NEBL: variants seen among roughly 807,000 people sequenced by gnomAD.
NEBL encodes nebulette.
A neutral mutation model predicts 140.2 loss-of-function variants in NEBL; 122 were observed. The ratio of observed to expected loss-of-function variants is 0.87; its 90% CI spans 0.75 to 1.01. The LOEUF (loss-of-function observed/expected upper bound fraction) is 1.01. Among genes scored for constraint, NEBL ranks in the 50% least tolerant of loss-of-function variants. The pLI is 0.00. For missense variants in NEBL, 1,365 were observed against 1,231.3 expected, an observed-to-expected ratio of 1.11 and a Z score of -1.62; for synonymous variants, 436 against 398.9, an observed-to-expected ratio of 1.09 and a Z score of -1.11.
chr10:20,853,788 G>T (rs188696153), intron 9 of NEBL, among the ~76,000 whole-genome samples: 2 of 152,072 alleles, frequency 1.3e-5, no homozygotes, highest in African/African-American at 2.4e-5. Flanking sequence ...CAAAAATACC[G>T]TTAGAGAGAA....
chr10:21,291,574 C>T (rs1207477471), intron 1 of NEBL, among the ~76,000 whole-genome samples: 2 of 151,242 alleles, frequency 1.3e-5, no homozygotes, highest in Non-Finnish European at 2.9e-5. Flanking sequence ...TCCTACTCAG[C>T]ACTGGGCTTG....
At chr10:20,878,134 C>A (rs556668867) in intron 5 of NEBL, among the ~76,000 whole-genome samples, 1 of 152,066 alleles carries the variant, frequency 6.6e-6, no homozygotes, top group African/African-American at 2.4e-5. Flanking sequence ...AACTCTTGCC[C>A]GGGAACTCCA....
At chr10:21,227,708 TTCTTTCTTCTTCTTC>T (rs1279488983) in intron 3 of NEBL, among the ~76,000 whole-genome samples, 153 of 80,840 alleles carry the variant, frequency 1.9e-3, no homozygotes, top group Middle Eastern at 5.9e-3. Flanking sequence ...CTTCTTCTTC[TTCTTTCTTCTTCTTC>T]TTCTTCTTCT....
chr10:21,247,392 G>A (rs28694804), intron 3 of NEBL, among the ~76,000 whole-genome samples: 7,084 of 152,202 alleles, frequency 0.047, 219 homozygotes, highest in Non-Finnish European at 0.069. Context: ...CTTGACATTC[G>A]CTAGAAGACA....
At chr10:21,053,561 A>G (rs1834872986) in intron 2 of NEBL, among the ~76,000 whole-genome samples, 1 of 152,238 alleles carries the variant, frequency 6.6e-6, no homozygotes, top group Non-Finnish European at 1.5e-5. Flanking sequence ...TTTCAAGTAT[A>G]AAAATAAGCC....
intron 7 of NEBL, among the ~76,000 whole-genome samples, chr10:20,865,544 C>A (rs1844188352): frequency 6.6e-6 from 1 of 152,108 alleles, no homozygotes; most frequent in Admixed American, 6.6e-5. Context: ...TGCTTTGTCT[C>A]CTGTGTAACT....
At chr10:20,843,777 C>T (rs1485055882) in intron 12 of NEBL, among the ~76,000 whole-genome samples, 3 of 152,078 alleles carry the variant, frequency 2.0e-5, no homozygotes, top group Admixed American at 6.6e-5. Flanking sequence ...ATGATCCCAT[C>T]AGGGTAATTA....
chr10:21,222,278 C>T (rs1484568049), intron 3 of NEBL, among the ~76,000 whole-genome samples: 1 of 147,686 alleles, frequency 6.8e-6, no homozygotes, highest in East Asian at 2.0e-4. Flanking sequence ...GAGACCCTGT[C>T]TCTACCAAAA....
intron 4 of NEBL, among the ~76,000 whole-genome samples, chr10:20,940,228 A>T (rs1834776835): frequency 6.6e-6 from 1 of 152,078 alleles, no homozygotes; most frequent in South Asian, 2.1e-4. Flanking sequence ...AAATTATAAC[A>T]AACTATCTCT....
chr10:21,067,873 G>A (rs1835639436), intron 2 of NEBL, among the ~76,000 whole-genome samples: 3 of 152,150 alleles, frequency 2.0e-5, no homozygotes, highest in Admixed American at 2.0e-4. Context: ...CAGCTACTCA[G>A]GAGGCTGAGG....
chr10:20,941,827 T>A (rs1305890399), intron 4 of NEBL, among the ~76,000 whole-genome samples: 2 of 151,912 alleles, frequency 1.3e-5, no homozygotes, highest in African/African-American at 4.8e-5. Flanking sequence ...ATGAGTGAAG[T>A]CCCATTCACA....
intron 2 of NEBL, among the ~76,000 whole-genome samples, chr10:21,124,203 AAGGAGT>A (rs915233497): frequency 3.3e-5 from 5 of 152,220 alleles, no homozygotes; most frequent in Non-Finnish European, 7.3e-5. Flanking sequence ...ATTAAAAATG[AAGGAGT>A]AGGAGGAGGT....
chr10:20,840,751 T>G lies in NEBL; in HGVS notation c.1326A>C (p.Glu442Asp). ...LDIQRAKRAS[E>D]MASEKEYKKD... ...TAAACATACTCACCTCACTTGCCATTTCAGAGGCTCGCTTTGCTCTTTGGA... is the reference window on the plus strand; with the variant it reads ...TAAACATACTCACCTCACTTGCCATGTCAGAGGCTCGCTTTGCTCTTTGGA... The change falls in exon 13 of 28, where the codon GAA becomes GAC. Residue 442 changes from glutamate to aspartate, a missense_variant. By Grantham distance (45) the Glu-to-Asp change is conservative. Transcript: ENST00000377122. The G allele has an allele frequency of 1.2e-6, 2 of 1,608,606 alleles. No individual in the cohort carries two copies. The highest frequency in any genetic ancestry group is 8.5e-7 in the Non-Finnish European group (1 of 1,175,414).
At chr10:21,288,361 G>A (rs1331814765) in intron 1 of NEBL, among the ~76,000 whole-genome samples, 3 of 151,844 alleles carry the variant, frequency 2.0e-5, no homozygotes, top group African/African-American at 7.3e-5. Flanking sequence ...CCAGCTACTT[G>A]GGAGGCTGAG....
intron 4 of NEBL, among the ~76,000 whole-genome samples, chr10:20,949,349 G>C (rs934264177): frequency 6.6e-6 from 1 of 152,130 alleles, no homozygotes; most frequent in Non-Finnish European, 1.5e-5. Flanking sequence ...TAATGCATGC[G>C]GGGTTTAAAA....
intron 3 of NEBL, among the ~76,000 whole-genome samples, chr10:21,233,962 A>G (rs1451804617): frequency 6.8e-6 from 1 of 147,600 alleles, no homozygotes; most frequent in Admixed American, 6.9e-5. Flanking sequence ...GCGTTAGTAT[A>G]GATGCATCCT....
At chr10:21,136,627 C>T (rs1452547865) in intron 2 of NEBL, among the ~76,000 whole-genome samples, 1 of 152,188 alleles carries the variant, frequency 6.6e-6, no homozygotes, top group Non-Finnish European at 1.5e-5. Flanking sequence ...TGTCCTATTT[C>T]AGCCTTCCAA....
intron 2 of NEBL, among the ~76,000 whole-genome samples, chr10:21,089,993 G>C (rs187250571): frequency 1.6e-4 from 24 of 152,154 alleles, no homozygotes; most frequent in African/African-American, 5.5e-4. Flanking sequence ...ATGACTCCCC[G>C]GTTTGTATTT....
Position 20,781,579 on chromosome 10 carries a change from T to C in NEBL, c.*4168A>G, listed in dbSNP as rs1835039989. The C allele has an allele frequency of 6.6e-6, 1 of 152,208 alleles. No homozygotes were observed. The highest frequency in any genetic ancestry group is 6.5e-5 in the Admixed American group (1 of 15,280). 9.4% of individuals were successfully genotyped at this position (152,208 alleles called of 1,614,324 possible). ...GATACTATGCAAACTGGATACCATG[T>C]ATCAAGCACAAAAAATCCTATGGCA... On this transcript the variant is annotated 3_prime_UTR_variant, in exon 28 of 28. Transcript: ENST00000377122.
Sources: allele counts gnomAD v4.1 joint callset (sites outside exome capture counted in the v4.1 genomes callset), GRCh38; gene constraint gnomAD v4.1.1; transcripts MANE v1.5; gene names NCBI Gene and HGNC (gene_info 2026-07-23, HGNC 2026-07-21).